Variants in WWOX observed in about 807,000 individuals in gnomAD.
WWOX encodes the protein WW domain containing oxidoreductase, also known as WW domain-containing oxidoreductase.
In WWOX, 69 loss-of-function variants were observed where a neutral mutation model predicts 46.2. The ratio of observed to expected loss-of-function variants is 1.49; its 90% confidence interval spans 1.23 to 1.82. The LOEUF is 1.82. WWOX is among the 40% of genes most tolerant of loss of function. The pLI is 0.00. For synonymous variants in WWOX, 359 were observed against 202.6 expected (o/e 1.77, Z -6.56); for missense variants, 919 against 542.6 (o/e 1.69, Z -6.89).
intron 8 of WWOX, among the ~76,000 whole-genome samples, chr16:78,508,934 C>T (rs984812661): frequency 6.6e-6 from 1 of 152,322 alleles, no homozygotes. Flanking sequence ...CATGTATTGG[C>T]TGGCTGTTCA....
At chr16:78,375,247 C>G (rs954911631) in intron 5 of WWOX, among the ~76,000 whole-genome samples, 8 of 152,210 alleles carry the variant, frequency 5.3e-5, no homozygotes, top group African/African-American at 1.9e-4. Flanking sequence ...TTCTGCATAC[C>G]AAGCACATAT....
chr16:78,645,971 G>A (rs1036916374), intron 8 of WWOX, among the ~76,000 whole-genome samples: 1 of 151,958 alleles, frequency 6.6e-6, no homozygotes, highest in African/African-American at 2.4e-5. Flanking sequence ...TCTGTCCCTG[G>A]CTCTGCTCCT....
At chr16:78,644,161 G>A (rs2046787081) in intron 8 of WWOX, among the ~76,000 whole-genome samples, 1 of 152,148 alleles carries the variant, frequency 6.6e-6, no homozygotes, top group African/African-American at 2.4e-5. Flanking sequence ...GGTGGAGGTT[G>A]TGGTGAGCTG....
chr16:78,206,267 A>C (rs1454912925), intron 5 of WWOX, among the ~76,000 whole-genome samples: 2 of 152,200 alleles, frequency 1.3e-5, no homozygotes, highest in Non-Finnish European at 2.9e-5. Flanking sequence ...ATAATTTTGG[A>C]AATGAGCCTG....
At chr16:79,011,726 C>T (rs979263543) in intron 8 of WWOX, among the ~76,000 whole-genome samples, 3 of 152,012 alleles carry the variant, frequency 2.0e-5, no homozygotes, top group Non-Finnish European at 4.4e-5. Flanking sequence ...CTCCTGGGCT[C>T]AAGCTATTCA....
chr16:78,529,225 G>T (rs2043559899), intron 8 of WWOX, among the ~76,000 whole-genome samples: 1 of 152,064 alleles, frequency 6.6e-6, no homozygotes, highest in African/African-American at 2.4e-5. Flanking sequence ...AAAATGCCGA[G>T]ATTATGGGTA....
chr16:78,755,559 A>G (rs1379789675), intron 8 of WWOX, among the ~76,000 whole-genome samples: 2 of 152,200 alleles, frequency 1.3e-5, no homozygotes, highest in East Asian at 3.8e-4. Context: ...ATTCTACATT[A>G]TTTAGTAAAT....
intron 8 of WWOX, among the ~76,000 whole-genome samples, chr16:78,554,774 C>T (rs1043343862): frequency 2.0e-4 from 30 of 152,296 alleles, no homozygotes; most frequent in Admixed American, 4.6e-4. Flanking sequence ...TTCTGAGTCA[C>T]GTGGGCTGCA....
At chr16:78,396,604 T>C (rs993206435) in intron 6 of WWOX, among the ~76,000 whole-genome samples, 42 of 152,224 alleles carry the variant, frequency 2.8e-4, no homozygotes, top group African/African-American at 1.0e-3. Context: ...TGCAAGGTGA[T>C]GTCCTTCCTT....
chr16:78,922,325 C>T (rs1027622948), intron 8 of WWOX, among the ~76,000 whole-genome samples: 1 of 152,004 alleles, frequency 6.6e-6, no homozygotes, highest in African/African-American at 2.4e-5. Context: ...ATCAGAGGTG[C>T]CCAAGCAAAC....
rs1463504834 is a variant in WWOX at position 78,328,284 on chromosome 16, T to G, written c.517-58576T>G. 3.3e-5 allele frequency among the ~76,000 whole-genome samples: 5 copies of G among 152,356 alleles called. 1 individual carries two copies. Among genetic ancestry groups the G allele is most frequent in the Admixed American group, 1.3e-4 (2 of 15,304 alleles). ...TTTGGAATTGTCGTGGTCTTGTTTA[T>G]AATCGTCATTTTTCTTGTCATGTGA... On this transcript the variant is annotated intron_variant, in intron 5 of 8. Coordinates refer to ENST00000566780, the MANE Select transcript of WWOX (RefSeq NM_016373.4).
chr16:78,588,732 G>A (rs1042697566), intron 8 of WWOX, among the ~76,000 whole-genome samples: 1 of 152,116 alleles, frequency 6.6e-6, no homozygotes, highest in Admixed American at 6.5e-5. Flanking sequence ...ACTTATTGAC[G>A]TAGCATCACT....
intron 5 of WWOX, among the ~76,000 whole-genome samples, chr16:78,243,368 T>A (rs896904770): frequency 1.3e-5 from 2 of 152,194 alleles, no homozygotes; most frequent in African/African-American, 4.8e-5. Flanking sequence ...TTTCATTTTT[T>A]AAAAAACTTT....
chr16:78,271,191 T>C (rs2079471358), intron 5 of WWOX, among the ~76,000 whole-genome samples: 1 of 152,216 alleles, frequency 6.6e-6, no homozygotes, highest in South Asian at 2.1e-4. Flanking sequence ...ACAATTACCT[T>C]TGATGATTTC....
At chr16:78,989,920 T>G (rs1413574106) in intron 8 of WWOX, among the ~76,000 whole-genome samples, 6 of 151,218 alleles carry the variant, frequency 4.0e-5, no homozygotes, top group Non-Finnish European at 8.8e-5. Context: ...CAGTGGCTCA[T>G]GTCTGTAATT....
At chr16:78,723,653 C>G (rs948230153) in intron 8 of WWOX, among the ~76,000 whole-genome samples, 2 of 115,886 alleles carry the variant, frequency 1.7e-5, no homozygotes, top group Non-Finnish European at 3.5e-5. Flanking sequence ...TCTTTTCTAC[C>G]TCTCGGGATT....
At chr16:78,188,683 A>T (rs2035786978) in intron 5 of WWOX, among the ~76,000 whole-genome samples, 2 of 152,140 alleles carry the variant, frequency 1.3e-5, no homozygotes, top group African/African-American at 4.8e-5. Context: ...ACTCTGGGGC[A>T]TATGAGATGA....
At chr16:78,423,470 T>C (rs974758151) in intron 6 of WWOX, among the ~76,000 whole-genome samples, 2 of 152,166 alleles carry the variant, frequency 1.3e-5, no homozygotes, top group Admixed American at 1.3e-4. Context: ...TATTTTGTTG[T>C]ATAGTTCTTA....
chr16:78,193,788 C>G (rs1419171905), intron 5 of WWOX, among the ~76,000 whole-genome samples: 2 of 151,598 alleles, frequency 1.3e-5, no homozygotes, highest in Non-Finnish European at 2.9e-5. Context: ...AGAGTGAAGA[C>G]ATATCCTTTT....
Sources: allele counts gnomAD v4.1 joint callset (sites outside exome capture counted in the v4.1 genomes callset), GRCh38; gene constraint gnomAD v4.1.1; transcripts MANE v1.5; gene names NCBI Gene and HGNC (gene_info 2026-07-23, HGNC 2026-07-21).